THSD4: variants seen among roughly 807,000 people sequenced by gnomAD.
THSD4 encodes the protein thrombospondin type-1 domain-containing protein 4.
A neutral mutation model predicts 119.0 loss-of-function variants in THSD4; 69 were observed. That is an observed-to-expected ratio of 0.58 (90% CI 0.48 to 0.71). THSD4 has a LOEUF of 0.71. Ranked by LOEUF, THSD4 falls within the 30% of genes least tolerant of loss-of-function variation. THSD4 has a pLI of 0.00. For missense variants in THSD4, 1,393 were observed against 1,391.1 expected (o/e 1.00, Z -0.02); for synonymous variants, 524 against 540.4 (o/e 0.97, Z 0.42).
chr15:71,101,957 GC>G (rs945307747), intron 1 of THSD4, among the ~76,000 whole-genome samples: 2 of 151,956 alleles, frequency 1.3e-5, no homozygotes, highest in Non-Finnish European at 2.9e-5. Flanking sequence ...CAGGTGATCC[GC>G]CCCCTTGGCC....
At chr15:71,696,923 T>G (rs1355771708) in intron 8 of THSD4, among the ~76,000 whole-genome samples, 3 of 152,044 alleles carry the variant, frequency 2.0e-5, no homozygotes, top group African/African-American at 7.2e-5. Flanking sequence ...AGCCTGAAAA[T>G]ACAACACGAG....
At chr15:71,678,423 T>C (rs1007283019) in intron 8 of THSD4, among the ~76,000 whole-genome samples, 1 of 152,194 alleles carries the variant, frequency 6.6e-6, no homozygotes, top group Admixed American at 6.5e-5. Context: ...TCTTCCTTCC[T>C]CGTGAGCATC....
At chr15:71,708,960 G>A (rs1056907895) in intron 8 of THSD4, among the ~76,000 whole-genome samples, 1 of 152,232 alleles carries the variant, frequency 6.6e-6, no homozygotes, top group Non-Finnish European at 1.5e-5. Context: ...GCAGCGCTAA[G>A]CCGAGGTTTC....
At chr15:71,154,289 G>T (rs888369955) in intron 2 of THSD4, among the ~76,000 whole-genome samples, 1 of 152,146 alleles carries the variant, frequency 6.6e-6, no homozygotes, top group Non-Finnish European at 1.5e-5. Flanking sequence ...CTCTAATCAG[G>T]GCTGGTGACA....
At chr15:71,325,186 T>G (rs1242743418) in intron 6 of THSD4, among the ~76,000 whole-genome samples, 3 of 152,246 alleles carry the variant, frequency 2.0e-5, no homozygotes, top group African/African-American at 7.2e-5. Context: ...ATGTGGGTTA[T>G]GTATAGATTT....
chr15:71,662,508 C>A (rs966181386), intron 8 of THSD4, among the ~76,000 whole-genome samples: 1 of 152,150 alleles, frequency 6.6e-6, no homozygotes, highest in Non-Finnish European at 1.5e-5. Context: ...GGGAAATGTT[C>A]TTCTGGGGAT....
intron 7 of THSD4, among the ~76,000 whole-genome samples, chr15:71,646,463 G>A (rs1359193969): frequency 6.6e-6 from 1 of 152,002 alleles, no homozygotes; most frequent in East Asian, 1.9e-4. Flanking sequence ...AGTATATTCA[G>A]GCCATTCTCT....
At chr15:71,509,849 G>A (rs2048251735) in intron 7 of THSD4, among the ~76,000 whole-genome samples, 1 of 152,098 alleles carries the variant, frequency 6.6e-6, no homozygotes, top group Admixed American at 6.5e-5. Context: ...CTACCCAACT[G>A]GTTTATTTAG....
intron 8 of THSD4, among the ~76,000 whole-genome samples, chr15:71,717,399 T>C (rs1394318586): frequency 1.3e-5 from 2 of 152,186 alleles, no homozygotes; most frequent in Non-Finnish European, 2.9e-5. Flanking sequence ...ATTACATGTC[T>C]GTATCACATT....
intron 17 of THSD4, among the ~76,000 whole-genome samples, chr15:71,775,557 A>G (rs994384939): frequency 5.3e-5 from 8 of 151,790 alleles, no homozygotes; most frequent in Non-Finnish European, 8.8e-5. Context: ...AAAATACGAA[A>G]AAAATTAGCC....
At chr15:71,612,499 TTGTTAATGTGTGAACCTAACAC>T (rs2050248996) in intron 7 of THSD4, among the ~76,000 whole-genome samples, 2 of 152,164 alleles carry the variant, frequency 1.3e-5, no homozygotes, top group South Asian at 4.1e-4. Flanking sequence ...GTTGCTCAGG[TTGTTAATGTGTGAACCTAACAC>T]TGTTAGGCTG....
At chr15:71,680,985 C>G (rs2051764230) in intron 8 of THSD4, among the ~76,000 whole-genome samples, 1 of 144,898 alleles carries the variant, frequency 6.9e-6, no homozygotes, top group African/African-American at 2.6e-5. Context: ...GTGCCATGAT[C>G]TCAGCTCACT....
chr15:71,643,211 T>G (rs2050899938), intron 7 of THSD4, among the ~76,000 whole-genome samples: 1 of 152,162 alleles, frequency 6.6e-6, no homozygotes, highest in South Asian at 2.1e-4. Flanking sequence ...TTCATGAAAA[T>G]GATCTTGTTT....
intron 1 of THSD4, among the ~76,000 whole-genome samples, chr15:71,098,508 C>A (rs144314295): frequency 8.7e-4 from 133 of 152,200 alleles, no homozygotes; most frequent in African/African-American, 3.2e-3. Flanking sequence ...AAGCGATTGG[C>A]CTGCCTTGGC....
chr15:71,299,975 AAATATAT>A (rs1208980604), intron 6 of THSD4, among the ~76,000 whole-genome samples: 392 of 22,970 alleles, frequency 0.017, 5 homozygotes, highest in South Asian at 0.13. Flanking sequence ...AAAAAAAAAA[AAATATAT>A]ATATATATAT....
intron 5 of THSD4, among the ~76,000 whole-genome samples, chr15:71,245,009 G>A (rs1034669488): frequency 6.6e-6 from 1 of 152,128 alleles, no homozygotes; most frequent in African/African-American, 2.4e-5. Context: ...TGCTGCCAAC[G>A]GCAGGGTTGT....
chr15:71,224,596 A>G (rs1025233428), intron 4 of THSD4, among the ~76,000 whole-genome samples: 1 of 152,160 alleles, frequency 6.6e-6, no homozygotes, highest in African/African-American at 2.4e-5. Context: ...TAAAAAAAAC[A>G]CACCAGTTTA....
At chr15:71,655,444 G>A (rs950007295) in intron 7 of THSD4, among the ~76,000 whole-genome samples, 1 of 152,178 alleles carries the variant, frequency 6.6e-6, no homozygotes, top group African/African-American at 2.4e-5. Context: ...GTACGGGTGG[G>A]TCCGGGTGGT....
chr15:71,237,695 C>T (rs928264409), intron 4 of THSD4, among the ~76,000 whole-genome samples: 6 of 152,082 alleles, frequency 3.9e-5, no homozygotes, highest in Non-Finnish European at 5.9e-5. Flanking sequence ...GGTTGATGCT[C>T]GGGAGAGGGA....
Sources: gnomAD v4.1 joint callset for allele counts (sites outside exome capture counted in the v4.1 genomes callset) on GRCh38, gnomAD v4.1.1 for gene constraint, MANE v1.5 for transcripts, NCBI Gene and HGNC (gene_info 2026-07-23, HGNC 2026-07-21) for gene names.